Variants in MBTPS1 observed in about 807,000 individuals in gnomAD.
The protein encoded by MBTPS1 is membrane bound transcription factor peptidase, site 1.
A neutral mutation model predicts 127.8 loss-of-function variants in MBTPS1; 94 were observed. The observed-to-expected ratio is 0.74, with a 90% CI of 0.62 to 0.87. The LOEUF (loss-of-function observed/expected upper bound fraction) is 0.87. Among genes scored for constraint, MBTPS1 ranks in the 40% least tolerant of loss-of-function variants. MBTPS1 has a pLI of 0.00. For synonymous variants in MBTPS1, 632 were observed against 509.4 expected (o/e 1.24, Z -3.24); for missense variants, 1,636 against 1,353.2 (o/e 1.21, Z -3.28).
At chr16:84,114,208 G>A (rs1170003026) in intron 1 of MBTPS1, among the ~76,000 whole-genome samples, 1 of 152,002 alleles carries the variant, frequency 6.6e-6, no homozygotes, top group African/African-American at 2.4e-5. Flanking sequence ...TGATCTGCCC[G>A]CCTCGGCCTC....
intron 9 of MBTPS1, among the ~76,000 whole-genome samples, chr16:84,087,065 A>G (rs2086038777): frequency 6.6e-6 from 1 of 152,138 alleles, no homozygotes; most frequent in Admixed American, 6.5e-5. Context: ...AATTCACCTA[A>G]AGGTGAGTTC....
At chr16:84,074,858 G>C in intron 11 of MBTPS1, 117 bp from the exon 12 acceptor site, 1 of 920,290 alleles carries the variant, frequency 1.1e-6, no homozygotes, top group Non-Finnish European at 1.6e-6. Flanking sequence ...CTTGCTTACA[G>C]CGCTGCCCTA....
Position 84,067,802 on chromosome 16 carries a change from C to T in MBTPS1, c.2093G>A (p.Ser698Asn), listed in dbSNP as rs1291563268. 1 of 1,610,702 alleles carries T rather than the reference C, an allele frequency of 6.2e-7. No individual in the cohort carries two copies. The highest frequency in any genetic ancestry group is 8.5e-7 in the Non-Finnish European group (1 of 1,177,224). The change falls in exon 16 of 23, where the codon AGT becomes AAT. Residue 698 changes from serine (S) to asparagine (N), a missense_variant. By Grantham distance (46) the Ser-to-Asn change is conservative. Transcript: ENST00000343411. ...SQYGTLLMVD[S>N]EEEYFPEEIA... ...CTCTTCAGGGAAGTACTCCTCCTCA[C>T]TGTCCACCATCAGCAAAGTGCCTGA... is the stretch of plus-strand genomic sequence containing the variant.
At chr16:84,069,526 G>A (rs1367118800) in intron 14 of MBTPS1, among the ~76,000 whole-genome samples, 1 of 152,220 alleles carries the variant, frequency 6.6e-6, no homozygotes, top group Non-Finnish European at 1.5e-5. Flanking sequence ...GGCAAGAGAT[G>A]ACAATGGCAT....
intron 11 of MBTPS1, 49 bp from the exon 12 acceptor site, chr16:84,074,790 A>G (rs764253164): frequency 5.2e-5 from 80 of 1,524,574 alleles, no homozygotes; most frequent in Non-Finnish European, 6.8e-5. Context: ...GAAAACTACA[A>G]TGAAGCAACA....
rs3785015 is a variant in MBTPS1, at chr16:84,057,564, G to T, written c.2832-1429C>A. 41 of 152,164 alleles carry T rather than the reference G, an allele frequency of 2.7e-4. 1 individual carries two copies. Among genetic ancestry groups the T allele is most frequent in the African/African-American group, 9.6e-4 (40 of 41,522 alleles). The allele number at this position is 152,164 out of a possible 1,614,324, so 9.4% of individuals were successfully genotyped here. On this transcript the variant is annotated intron_variant, in intron 21 of 22. Coordinates refer to ENST00000343411, the MANE Select transcript of MBTPS1 (RefSeq NM_003791.4). ...CTAGGTATGGGCACCTGATGCCAAC[G>T]AAGAAGCCCAAAGCGCCTCTCCACT...
intron 11 of MBTPS1, among the ~76,000 whole-genome samples, chr16:84,081,242 C>G (rs1458718815): frequency 6.6e-6 from 1 of 152,164 alleles, no homozygotes; most frequent in Non-Finnish European, 1.5e-5. Context: ...AAAATCATTT[C>G]AAAATAAGGG....
At chr16:84,084,920 T>G in intron 10 of MBTPS1, 63 bp downstream of exon 10, 2 of 1,559,858 alleles carry the variant, frequency 1.3e-6, no homozygotes, top group East Asian at 4.5e-5. Flanking sequence ...ACTCCTGCTC[T>G]GCTGGCACCG....
intron 22 of MBTPS1, 43 bp downstream of exon 22, chr16:84,055,962 T>C (rs1012569414): frequency 6.3e-7 from 1 of 1,590,638 alleles, no homozygotes; most frequent in East Asian, 2.3e-5. Flanking sequence ...TTGAACAAAA[T>C]ACAGGATGAC....
intron 1 of MBTPS1, among the ~76,000 whole-genome samples, chr16:84,105,777 C>T (rs1432815964): frequency 6.6e-6 from 1 of 152,112 alleles, no homozygotes; most frequent in Non-Finnish European, 1.5e-5. Flanking sequence ...TAAAACACAG[C>T]CCAACGACGA....
intron 1 of MBTPS1, among the ~76,000 whole-genome samples, chr16:84,115,182 C>G (rs1162829261): frequency 2.0e-5 from 3 of 152,172 alleles, no homozygotes; most frequent in Non-Finnish European, 4.4e-5. Context: ...CCGCCTCGGC[C>G]TCCCAAATTG....
Position 84,060,764 on chromosome 16 carries a change from C to T in MBTPS1, c.2622G>A (p.Val874=). The T allele has an allele frequency of 6.2e-7, 1 of 1,607,734 alleles. No homozygotes were observed. The highest frequency in any genetic ancestry group is 1.7e-5 in the Admixed American group (1 of 59,008). The change falls in exon 20 of 23, where the codon GTG becomes GTA. Residue 874 remains valine, a synonymous_variant. Transcript: ENST00000343411. ...DALLQYTSYG[V]TPPSLSHSGN... ...CAGAGTGACTGAGGCTAGGCGGTGT[C>T]ACCCCATACGATGTGTACTGGAGGA...
intron 13 of MBTPS1, 146 bp downstream of exon 13, chr16:84,070,442 C>A (rs1275073049): frequency 1.3e-6 from 1 of 775,264 alleles, no homozygotes; most frequent in Non-Finnish European, 2.1e-6. Context: ...GCTCCGGAGG[C>A]CCTGGAACCA....
rs1567471677 is a variant in MBTPS1 at position 84,060,682 on chromosome 16, C to G, written c.2704G>C (p.Gly902Arg). The change falls in exon 20 of 23, where the codon GGA (glycine) becomes CGA (arginine). Residue 902 changes from glycine (G) to arginine (R), a missense_variant and splice_region_variant. By Grantham distance (125) the Gly-to-Arg change is moderately radical. Coordinates refer to ENST00000343411, the MANE Select transcript of MBTPS1 (RefSeq NM_003791.4). The part of the protein sequence containing the change: ...AGSVTPERME[G>R]NHLHRYSKVL... ...CAAGGCATCCTGCCCATCCACTCAC[C>G]TTCCATCCTCTCTGGAGTGACTGAG... The G allele has an allele frequency of 6.2e-7, 1 of 1,613,410 alleles. No individual in the cohort carries two copies. Among genetic ancestry groups the G allele is most frequent in the Non-Finnish European group, 8.5e-7 (1 of 1,179,492 alleles).
intron 3 of MBTPS1, among the ~76,000 whole-genome samples, chr16:84,096,202 A>G (rs963028569): frequency 3.9e-5 from 6 of 152,170 alleles, no homozygotes; most frequent in Non-Finnish European, 7.4e-5. Context: ...ATTGAGTTTT[A>G]TTTTTACTAT....
chr16:84,091,848 C>A lies in MBTPS1; in HGVS notation c.847G>T (p.Val283Leu), dbSNP rs1196001149. 3 of 1,539,246 alleles carry A rather than the reference C, an allele frequency of 1.9e-6. No individual in the cohort carries two copies. Among genetic ancestry groups the A allele is most frequent in the South Asian group, 2.2e-5 (2 of 89,526 alleles). ...TCCAAAAACCAAGATGTGTAAGATACCTAGTTAAATATTATAACAGTCTGC... is the reference window on the plus strand; with the variant it reads ...TCCAAAAACCAAGATGTGTAAGATAACTAGTTAAATATTATAACAGTCTGC... ...HIFRVFTNNQ[V>L]SYTSWFLDAF... Residue 283 changes from valine (V) to leucine (L), a missense_variant and splice_region_variant, in exon 7 of 23, where the codon GTA (valine) becomes TTA (leucine). Physicochemically the swap from Val to Leu is conservative, Grantham distance 32. Transcript: ENST00000343411.
chr16:84,074,869 G>A, intron 11 of MBTPS1, 128 bp from the exon 12 acceptor site: 1 of 790,408 alleles, frequency 1.3e-6, no homozygotes, highest in Non-Finnish European at 2.0e-6. Flanking sequence ...CGCTGCCCTA[G>A]GCTGGCATCT....
rs1373296547 is a variant in MBTPS1 at position 84,060,693 on chromosome 16, T to C, written c.2693A>G (p.Glu898Gly). Residue 898 changes from glutamate to glycine, a missense_variant, in exon 20 of 23, where the codon GAG becomes GGG. Physicochemically the swap from Glu to Gly is moderately conservative, Grantham distance 98 (BLOSUM62 -2). Transcript: ENST00000343411. ...GCCCATCCACTCACCTTCCATCCTC[T>C]CTGGAGTGACTGAGCCTGCTCCACT... ...PPSGAGSVTP[E>G]RMEGNHLHRY... The C allele has an allele frequency of 6.2e-7, 1 of 1,614,030 alleles. No individual in the cohort carries two copies. Among genetic ancestry groups the C allele is most frequent in the African/African-American group, 1.3e-5 (1 of 75,042 alleles).
chr16:84,054,225 C>A lies in MBTPS1; in HGVS notation c.*224G>T. 3 of 376,772 alleles carry A rather than the reference C, an allele frequency of 8.0e-6. No homozygotes were observed. In the East Asian group the frequency reaches 1.2e-4, roughly 15 times the overall value. 23.3% of individuals were successfully genotyped at this position (376,772 alleles called of 1,614,324 possible). A position where few individuals can be genotyped will look rare whatever the true frequency, so the allele number is the denominator to read the frequency against. ...AGCTGCCGGCGGGAAGTCTCACTGG[C>A]GGCAGAGCCACTAAGTCCCTCCTGA... On this transcript the variant is annotated 3_prime_UTR_variant, in exon 23 of 23. Transcript: ENST00000343411.
Sources: allele counts gnomAD v4.1 joint callset (sites outside exome capture counted in the v4.1 genomes callset), GRCh38; gene constraint gnomAD v4.1.1; transcripts MANE v1.5; gene names NCBI Gene and HGNC (gene_info 2026-07-23, HGNC 2026-07-21).